Variants in NAV2 observed in about 807,000 individuals in gnomAD.
The protein encoded by NAV2 is helicase, APC down-regulated 1.
A neutral mutation model predicts 223.2 loss-of-function variants in NAV2; 54 were observed. The observed-to-expected ratio is 0.24, with a 90% CI of 0.19 to 0.30. The LOEUF is 0.30. Among genes scored for constraint, NAV2 ranks in the 10% least tolerant of loss-of-function variants. The probability of loss-of-function intolerance (pLI) is 1.00; values close to 1 mark genes in which losing one functional copy is unlikely to be tolerated. For synonymous variants in NAV2, 1,279 were observed against 1,239.3 expected (o/e 1.03, Z -0.67); for missense variants, 2,806 against 3,147.5 (o/e 0.89, Z 2.60).
chr11:19,657,710 A>G (rs1347694002), intron 1 of NAV2, among the ~76,000 whole-genome samples: 2 of 152,176 alleles, frequency 1.3e-5, no homozygotes, highest in Non-Finnish European at 2.9e-5. Flanking sequence ...AACGAAGATC[A>G]TCTACTGCTC....
chr11:19,567,379 G>A (rs1161909270), intron 1 of NAV2, among the ~76,000 whole-genome samples: 2 of 152,204 alleles, frequency 1.3e-5, no homozygotes, highest in Admixed American at 1.3e-4. Context: ...GGCTTTCCAT[G>A]CAATGTTTTG....
At chr11:19,866,431 G>A (rs1418694210) in intron 3 of NAV2, among the ~76,000 whole-genome samples, 1 of 152,076 alleles carries the variant, frequency 6.6e-6, no homozygotes, top group East Asian at 1.9e-4. Flanking sequence ...AAAATGACAG[G>A]ACTTTAAAAA....
intron 26 of NAV2, among the ~76,000 whole-genome samples, chr11:20,084,105 G>A (rs2060264825): frequency 6.6e-6 from 1 of 152,110 alleles, no homozygotes; most frequent in African/African-American, 2.4e-5. Flanking sequence ...TTTGGTTTTG[G>A]TTTTGTTTTT....
chr11:19,849,407 G>A (rs910408492), intron 3 of NAV2, among the ~76,000 whole-genome samples: 2 of 152,234 alleles, frequency 1.3e-5, no homozygotes, highest in Non-Finnish European at 2.9e-5. Flanking sequence ...GGCCTGAGTT[G>A]ACCTGCTGAT....
At chr11:20,029,521 A>G (rs1343224708) in intron 11 of NAV2, among the ~76,000 whole-genome samples, 3 of 152,122 alleles carry the variant, frequency 2.0e-5, no homozygotes, top group African/African-American at 4.8e-5. Context: ...CCCTTTGCTC[A>G]TCTCCCTATT....
At chr11:20,000,771 A>G (rs1565738181) in intron 11 of NAV2, among the ~76,000 whole-genome samples, 1 of 152,152 alleles carries the variant, frequency 6.6e-6, no homozygotes, top group African/African-American at 2.4e-5. Flanking sequence ...CTGAGACTTC[A>G]GGTTTGAGCT....
intron 1 of NAV2, among the ~76,000 whole-genome samples, chr11:19,607,661 A>G (rs1335801402): frequency 6.6e-6 from 1 of 152,208 alleles, no homozygotes; most frequent in Non-Finnish European, 1.5e-5. Context: ...CTCTAATGAA[A>G]GGGTATGGCT....
intron 3 of NAV2, among the ~76,000 whole-genome samples, chr11:19,867,969 G>A (rs2062197279): frequency 1.3e-5 from 2 of 152,172 alleles, no homozygotes; most frequent in African/African-American, 2.4e-5. Flanking sequence ...TTGAAGAAAC[G>A]AGAAGGGTCA....
At chr11:19,749,705 G>C (rs565584010) in intron 1 of NAV2, among the ~76,000 whole-genome samples, 1 of 152,316 alleles carries the variant, frequency 6.6e-6, no homozygotes, top group Non-Finnish European at 1.5e-5. Flanking sequence ...TTTGTGAGGA[G>C]AATTGAGTTC....
intron 12 of NAV2, among the ~76,000 whole-genome samples, chr11:20,042,101 C>G (rs2056973941): frequency 6.6e-6 from 1 of 152,130 alleles, no homozygotes; most frequent in South Asian, 2.1e-4. Context: ...AGACAGCAAG[C>G]ATGGAGTAAA....
At chr11:20,042,950 T>C (rs1010623579) in intron 12 of NAV2, among the ~76,000 whole-genome samples, 1 of 152,188 alleles carries the variant, frequency 6.6e-6, no homozygotes, top group South Asian at 2.1e-4. Context: ...TTCGGTCCCC[T>C]TCTGGGTTTT....
chr11:19,702,487 A>C (rs140199529), intron 1 of NAV2, among the ~76,000 whole-genome samples: 225 of 152,290 alleles, frequency 1.5e-3, no homozygotes, highest in Non-Finnish European at 2.6e-3. Flanking sequence ...AGCAGGGCTT[A>C]ATAAGTGTCC....
chr11:19,539,715 G>A (rs1249054888), intron 1 of NAV2, among the ~76,000 whole-genome samples: 2 of 152,134 alleles, frequency 1.3e-5, no homozygotes, highest in South Asian at 4.2e-4. Flanking sequence ...ATTCAAGATC[G>A]AATGTCATGG....
chr11:20,059,601 A>G (rs1224356839), intron 19 of NAV2, among the ~76,000 whole-genome samples: 1 of 152,138 alleles, frequency 6.6e-6, no homozygotes, highest in Non-Finnish European at 1.5e-5. Context: ...AACAAATGAA[A>G]AAAGAATCAG....
chr11:19,857,838 C>T (rs2061484380), intron 3 of NAV2, among the ~76,000 whole-genome samples: 1 of 152,122 alleles, frequency 6.6e-6, no homozygotes, highest in Admixed American at 6.6e-5. Flanking sequence ...TACCTTAGAT[C>T]TCTAGAACTT....
At chr11:19,798,113 T>C (rs1223280470) in intron 1 of NAV2, among the ~76,000 whole-genome samples, 1 of 152,170 alleles carries the variant, frequency 6.6e-6, no homozygotes, top group Admixed American at 6.5e-5. Context: ...AGAAGACCAG[T>C]GAGCCAACCC....
chr11:19,352,158 T>C (rs1853365579), intron 1 of NAV2, among the ~76,000 whole-genome samples: 1 of 152,230 alleles, frequency 6.6e-6, no homozygotes. Flanking sequence ...GCCCACTATC[T>C]TGGGAACCTA....
chr11:19,691,765 G>C lies in NAV2; in HGVS notation c.76-140719G>C, dbSNP rs557908429. ...CAGTCCCCACTCTCACCCAGCCTCA[G>C]CTTCCTGGAGGAAGACAAGGGCAAA... is the stretch of plus-strand genomic sequence containing the variant. On this transcript the variant is annotated intron_variant, in intron 1 of 37. Transcript: ENST00000360655. 2.0e-5 allele frequency among the ~76,000 whole-genome samples: 3 copies of C among 152,224 alleles called. No individual in the cohort carries two copies. The South Asian group carries it at 6.2e-4, about 32-fold the overall frequency.
At chr11:19,680,100 G>C (rs1237514858) in intron 1 of NAV2, among the ~76,000 whole-genome samples, 1 of 152,164 alleles carries the variant, frequency 6.6e-6, no homozygotes, top group Non-Finnish European at 1.5e-5. Context: ...AAAAGAGGAG[G>C]GCTCCAGAAA....
Sources: allele counts gnomAD v4.1 joint callset (sites outside exome capture counted in the v4.1 genomes callset), GRCh38; gene constraint gnomAD v4.1.1; transcripts MANE v1.5; gene names NCBI Gene and HGNC (gene_info 2026-07-23, HGNC 2026-07-21).